Variants in KCNH8 observed in about 807,000 individuals in gnomAD.
The protein encoded by KCNH8 is potassium voltage-gated channel subfamily H member 8.
Under a neutral mutation model 103.6 loss-of-function variants are expected in KCNH8, and 70 were observed. The ratio of observed to expected loss-of-function variants is 0.68; its 90% CI spans 0.56 to 0.82. The LOEUF (loss-of-function observed/expected upper bound fraction) is 0.82. Ranked by LOEUF, KCNH8 falls within the 40% of genes least tolerant of loss-of-function variation. KCNH8 has a pLI of 0.00. For missense variants in KCNH8, 1,217 were observed against 1,329.9 expected (o/e 0.92, Z 1.32); for synonymous variants, 498 against 489.4 (o/e 1.02, Z -0.23).
At chr3:19,400,790 A>G (rs1387395415) in intron 7 of KCNH8, among the ~76,000 whole-genome samples, 1 of 151,954 alleles carries the variant, frequency 6.6e-6, no homozygotes, top group Non-Finnish European at 1.5e-5. Context: ...TTAACTACTT[A>G]GCATTTACAA....
chr3:19,355,438 G>T (rs2065867390), intron 5 of KCNH8, among the ~76,000 whole-genome samples: 1 of 152,134 alleles, frequency 6.6e-6, no homozygotes, highest in Non-Finnish European at 1.5e-5. Flanking sequence ...GCACACATAT[G>T]TTTATTGCAG....
intron 11 of KCNH8, among the ~76,000 whole-genome samples, chr3:19,508,539 A>C (rs1236408869): frequency 2.0e-5 from 3 of 152,140 alleles, no homozygotes; most frequent in Non-Finnish European, 4.4e-5. Flanking sequence ...GTGGGAATTA[A>C]TGGGCATAAT....
intron 3 of KCNH8, among the ~76,000 whole-genome samples, chr3:19,282,280 T>G (rs2064767238): frequency 6.6e-6 from 1 of 152,128 alleles, no homozygotes; most frequent in South Asian, 2.1e-4. Flanking sequence ...TGCTGTATAT[T>G]GGCATGACTA....
At position 19,438,772 on chromosome 3, in the gene KCNH8, C is replaced by T. The variant is rs2067237163; in HGVS notation, c.1375+411C>T. 2.0e-5 allele frequency among the ~76,000 whole-genome samples: 3 copies of T among 152,140 alleles called. No individual in the cohort carries two copies. In the South Asian group the frequency reaches 6.2e-4, roughly 32 times the overall value. On this transcript the variant is annotated intron_variant, in intron 8 of 15. Transcript: ENST00000328405. ...GCTTAGAACCTGAATTTTCCTAGAT[C>T]CTCCAACTTACTTTTACATATGCCC...
rs147930526 is a variant in KCNH8 at position 19,499,308 on chromosome 3, G to A, written c.2041-11055G>A. Among the ~76,000 whole-genome samples, 99 of 152,250 alleles carry A rather than the reference G, an allele frequency of 6.5e-4. No individual in the cohort carries two copies. The East Asian group carries it at 0.014, about 21-fold the overall frequency. On this transcript the variant is annotated intron_variant, in intron 11 of 15. Transcript: ENST00000328405. Reference sequence around the variant, plus strand: ...GACTCTGTGAAAAGACCAAATCTACGTCTGATTGATGTACCTGAAAGTCAC... The same window carrying A: ...GACTCTGTGAAAAGACCAAATCTACATCTGATTGATGTACCTGAAAGTCAC...
intron 1 of KCNH8, among the ~76,000 whole-genome samples, chr3:19,176,666 C>T (rs2363095): frequency 0.064 from 9,762 of 152,046 alleles, 1,090 homozygotes; most frequent in African/African-American, 0.22. Flanking sequence ...AAAAAAGTAG[C>T]TTTTCTGACA....
At chr3:19,221,541 T>C (rs1348296102) in intron 1 of KCNH8, among the ~76,000 whole-genome samples, 1 of 152,234 alleles carries the variant, frequency 6.6e-6, no homozygotes, top group Non-Finnish European at 1.5e-5. Flanking sequence ...TAAATGAATG[T>C]TCATCTTCAC....
intron 1 of KCNH8, among the ~76,000 whole-genome samples, chr3:19,220,348 G>A (rs2063860587): frequency 6.6e-6 from 1 of 152,214 alleles, no homozygotes; most frequent in African/African-American, 2.4e-5. Context: ...ATAGTGGCAT[G>A]GTCCATGCCT....
In KCNH8 at chr3:19,148,889, G is replaced by A. The variant is rs1159593602; in HGVS notation, c.76+94G>A. ...TGCTCCCACCTTCCCTTTTGCACCA[G>A]CGGAGTGAATTTTCTTCTGTTCTTG... is the stretch of plus-strand genomic sequence containing the variant. On this transcript the variant is annotated intron_variant, in intron 1 of 15. Transcript: ENST00000328405. 2.7e-6 allele frequency: 3 copies of A among 1,126,004 alleles called. No individual in the cohort carries two copies. The Admixed American group carries it at 5.2e-5, about 20-fold the overall frequency. The allele number at this position is 1,126,004 out of a possible 1,614,324, so 69.8% of individuals were successfully genotyped here. A position where few individuals can be genotyped will look rare whatever the true frequency, so the allele number is the denominator to read the frequency against.
chr3:19,256,908 A>G (rs2064354109), intron 2 of KCNH8, among the ~76,000 whole-genome samples: 1 of 152,092 alleles, frequency 6.6e-6, no homozygotes, highest in African/African-American at 2.4e-5. Context: ...TAGGCTAATC[A>G]TACTGCATTA....
At chr3:19,273,128 A>G (rs1391078875) in intron 2 of KCNH8, among the ~76,000 whole-genome samples, 8 of 152,220 alleles carry the variant, frequency 5.3e-5, no homozygotes, top group African/African-American at 1.7e-4. Flanking sequence ...TACAGACGTT[A>G]TGTTTATTGG....
chr3:19,389,663 C>G (rs997733706), intron 5 of KCNH8, among the ~76,000 whole-genome samples: 3 of 152,068 alleles, frequency 2.0e-5, no homozygotes, highest in Non-Finnish European at 2.9e-5. Context: ...GGGTCTCACT[C>G]TGTTGCCCAG....
At position 19,503,267 on chromosome 3, in the gene KCNH8, G is replaced by T. The variant is rs1489674656; in HGVS notation, c.2041-7096G>T. On this transcript the variant is annotated intron_variant, in intron 11 of 15. Coordinates refer to ENST00000328405, the MANE Select transcript of KCNH8 (RefSeq NM_144633.3). Reference sequence around the variant, plus strand: ...CAGTTAGAATGGCAATCATTAAAAAGTCAGGAAACAACAGGTGCTGGAGAG... The same window carrying T: ...CAGTTAGAATGGCAATCATTAAAAATTCAGGAAACAACAGGTGCTGGAGAG... Among the ~76,000 whole-genome samples, 3 of 151,690 alleles carry T rather than the reference G, an allele frequency of 2.0e-5. No homozygotes were observed. The South Asian group carries it at 6.3e-4, about 32-fold the overall frequency.
chr3:19,503,400 C>G (rs2068628346), intron 11 of KCNH8, among the ~76,000 whole-genome samples: 1 of 152,152 alleles, frequency 6.6e-6, no homozygotes, highest in African/African-American at 2.4e-5. Context: ...ACTAGAAATA[C>G]CATTTGACCC....
At chr3:19,328,850 G>C (rs372561971) in intron 3 of KCNH8, among the ~76,000 whole-genome samples, 5 of 152,112 alleles carry the variant, frequency 3.3e-5, no homozygotes, top group African/African-American at 1.2e-4. Context: ...GCTTGCTATG[G>C]ATACAATATG....
At position 19,469,532 on chromosome 3, in the gene KCNH8, G is replaced by A. The variant is rs530061290; in HGVS notation, c.2040+12550G>A. On this transcript the variant is annotated intron_variant, in intron 11 of 15. Transcript: ENST00000328405. ...TCGGCTCACTGCAACCTCTGCCTCC[G>A]GGGTTCAAGTGATTCTCCTGCCTCA... Among the ~76,000 whole-genome samples the A allele has an allele frequency of 9.9e-5, 15 of 151,796 alleles. 1 individual carries two copies. Among genetic ancestry groups the A allele is most frequent in the Middle Eastern group, 3.4e-3 (1 of 294 alleles).
At position 19,307,047 on chromosome 3, in the gene KCNH8, A is replaced by AGAATCCAGAAAC. The variant is rs747800387; in HGVS notation, c.442+25726_442+25737dup. ...CACATAGACCAAAAGAACAGAATAG[A>AGAATCCAGAAAC]GAATCCAGAAACGAATCCACATATC... On this transcript the variant is annotated intron_variant, in intron 3 of 15. Coordinates refer to ENST00000328405, the MANE Select transcript of KCNH8 (RefSeq NM_144633.3). Among the ~76,000 whole-genome samples the AGAATCCAGAAAC allele has an allele frequency of 2.4e-3, 363 of 152,170 alleles. 1 individual carries two copies. Among genetic ancestry groups the AGAATCCAGAAAC allele is most frequent in the Non-Finnish European group, 3.2e-3 (215 of 67,986 alleles).
chr3:19,175,102 A>C (rs896300985), intron 1 of KCNH8, among the ~76,000 whole-genome samples: 2 of 152,220 alleles, frequency 1.3e-5, no homozygotes. Context: ...TTCTGAGTCC[A>C]GACTTTTGCT....
At chr3:19,471,653 T>A (rs1322090359) in intron 11 of KCNH8, among the ~76,000 whole-genome samples, 1 of 152,192 alleles carries the variant, frequency 6.6e-6, no homozygotes, top group Non-Finnish European at 1.5e-5. Flanking sequence ...ATAAGGAGAC[T>A]AATTAAGGAT....
Sources: gnomAD v4.1 joint callset for allele counts (sites outside exome capture counted in the v4.1 genomes callset) on GRCh38, gnomAD v4.1.1 for gene constraint, MANE v1.5 for transcripts, NCBI Gene and HGNC (gene_info 2026-07-23, HGNC 2026-07-21) for gene names.